Variants in ABLIM3 observed in about 807,000 individuals in gnomAD.
The protein encoded by ABLIM3 is actin binding LIM protein family member 3, also known as actin-binding LIM protein 3.
ABLIM3 carries 61 observed loss-of-function variants against 109.5 expected under a neutral mutation model. The ratio of observed to expected loss-of-function variants is 0.56; its 90% CI spans 0.45 to 0.69. ABLIM3 has a LOEUF of 0.69. Among genes scored for constraint, ABLIM3 ranks in the 30% least tolerant of loss-of-function variants. ABLIM3 has a pLI of 0.00. For missense variants in ABLIM3, 796 were observed against 889.5 expected, an observed-to-expected ratio of 0.89 and a Z score of 1.34; for synonymous variants, 300 against 324.8, an observed-to-expected ratio of 0.92 and a Z score of 0.82.
At chr5:149,185,716 T>C (rs182486928) in intron 3 of ABLIM3, among the ~76,000 whole-genome samples, 1 of 152,342 alleles carries the variant, frequency 6.6e-6, no homozygotes, top group East Asian at 1.9e-4. Flanking sequence ...GCAATCAACA[T>C]GACAATTAAG....
intron 16 of ABLIM3, 43 bp from the exon 17 acceptor site, chr5:149,246,439 T>G: frequency 6.3e-7 from 1 of 1,589,824 alleles, no homozygotes; most frequent in Non-Finnish European, 8.6e-7. Context: ...CCAGGCTGAG[T>G]GGGGTGCACA....
intron 23 of ABLIM3, among the ~76,000 whole-genome samples, chr5:149,255,746 G>A (rs1464794341): frequency 6.6e-6 from 1 of 152,184 alleles, no homozygotes; most frequent in East Asian, 1.9e-4. Context: ...AGGGTCACAG[G>A]AGCACAACAA....
chr5:149,142,169 C>G (rs960022131), intron 2 of ABLIM3, 61 bp downstream of exon 2: 21 of 1,582,842 alleles, frequency 1.3e-5, no homozygotes, highest in Non-Finnish European at 1.6e-5. Context: ...GGTGAGGGAG[C>G]CTGCGCTCGG....
intron 2 of ABLIM3, among the ~76,000 whole-genome samples, chr5:149,182,709 T>A (rs192273117): frequency 6.6e-6 from 1 of 152,352 alleles, no homozygotes; most frequent in East Asian, 1.9e-4. Flanking sequence ...CCCAATAAGC[T>A]AGTAGAACTC....
intron 2 of ABLIM3, among the ~76,000 whole-genome samples, chr5:149,180,065 A>G (rs1374669312): frequency 6.6e-6 from 1 of 152,198 alleles, no homozygotes; most frequent in Non-Finnish European, 1.5e-5. Flanking sequence ...AGCTTCATGG[A>G]TTATCTCACA....
chr5:149,164,931 C>T (rs1754690405), intron 2 of ABLIM3, among the ~76,000 whole-genome samples: 1 of 152,204 alleles, frequency 6.6e-6, no homozygotes, highest in Non-Finnish European at 1.5e-5. Context: ...CCCTTTCTTG[C>T]ATTTTAACTG....
chr5:149,216,162 C>A (rs1760057953), intron 7 of ABLIM3, among the ~76,000 whole-genome samples: 1 of 152,154 alleles, frequency 6.6e-6, no homozygotes, highest in Admixed American at 6.5e-5. Context: ...AAATCACCCA[C>A]TGAGCCCTAA....
At chr5:149,258,213 C>A in intron 23 of ABLIM3, 78 bp from the exon 24 acceptor site, 1 of 1,357,738 alleles carries the variant, frequency 7.4e-7, no homozygotes, top group Non-Finnish European at 1.0e-6. Flanking sequence ...CTGCTGCCTC[C>A]AGCTACCCCT....
chr5:149,222,675 T>A (rs1760777271), intron 8 of ABLIM3, among the ~76,000 whole-genome samples: 1 of 145,070 alleles, frequency 6.9e-6, no homozygotes, highest in East Asian at 1.9e-4. Flanking sequence ...TTTTTTTTTT[T>A]TTTTTTTTTT....
chr5:149,219,851 C>A (rs184292189), intron 8 of ABLIM3: 1 of 152,346 alleles, frequency 6.6e-6, no homozygotes, highest in East Asian at 1.9e-4. Flanking sequence ...ACTGCCCTCC[C>A]ATTCTCATCC....
At chr5:149,211,659 T>G (rs1182727194) in intron 7 of ABLIM3, among the ~76,000 whole-genome samples, 1 of 151,974 alleles carries the variant, frequency 6.6e-6, no homozygotes, top group Non-Finnish European at 1.5e-5. Context: ...CTGCCAAATC[T>G]GGCCAGTTGG....
At chr5:149,229,753 A>G (rs1761660194) in intron 8 of ABLIM3, among the ~76,000 whole-genome samples, 1 of 152,244 alleles carries the variant, frequency 6.6e-6, no homozygotes, top group African/African-American at 2.4e-5. Context: ...CTTCTAATCC[A>G]GGACACCTGT....
chr5:149,207,465 C>A (rs1481722893), intron 6 of ABLIM3, among the ~76,000 whole-genome samples: 1 of 152,180 alleles, frequency 6.6e-6, no homozygotes, highest in African/African-American at 2.4e-5. Flanking sequence ...TTCCTTCACA[C>A]AGGCTACCAC....
chr5:149,259,681 C>T lies in ABLIM3; in HGVS notation c.*1277C>T. On this transcript the variant is annotated 3_prime_UTR_variant, in exon 24 of 24. Transcript: ENST00000309868. The stretch of plus-strand genomic sequence containing the variant: ...CTGAACAGGGGAGAAAGCTTAACCT[C>T]TCTTCTCCTCTCCAAACCTTTCACC... 8.0e-7 allele frequency: 1 copy of T among 1,252,356 alleles called. No individual in the cohort carries two copies. Among genetic ancestry groups the T allele is most frequent in the East Asian group, 2.5e-5 (1 of 39,396 alleles). The allele number at this position is 1,252,356 out of a possible 1,614,324, so 77.6% of individuals were successfully genotyped here.
chr5:149,150,056 G>C (rs1488329783), intron 2 of ABLIM3, among the ~76,000 whole-genome samples: 3 of 152,108 alleles, frequency 2.0e-5, no homozygotes, highest in Non-Finnish European at 4.4e-5. Flanking sequence ...ATCTCCTATG[G>C]GTACCTCCCA....
At chr5:149,199,305 C>G (rs1758281639) in intron 4 of ABLIM3, among the ~76,000 whole-genome samples, 1 of 152,156 alleles carries the variant, frequency 6.6e-6, no homozygotes, top group South Asian at 2.1e-4. Context: ...ATTAATTATT[C>G]TCCGCATAAA....
intron 5 of ABLIM3, among the ~76,000 whole-genome samples, chr5:149,201,957 G>C (rs1006229201): frequency 1.3e-5 from 2 of 152,218 alleles, no homozygotes; most frequent in African/African-American, 4.8e-5. Flanking sequence ...CTTCCTCACA[G>C]GAGCGTTGGG....
At chr5:149,151,690 A>G (rs1254289197) in intron 2 of ABLIM3, among the ~76,000 whole-genome samples, 1 of 152,244 alleles carries the variant, frequency 6.6e-6, no homozygotes. Context: ...GTAATTTAGT[A>G]TGTCCACAGC....
intron 3 of ABLIM3, among the ~76,000 whole-genome samples, chr5:149,191,591 G>A (rs1217133204): frequency 6.8e-6 from 1 of 147,104 alleles, no homozygotes; most frequent in Non-Finnish European, 1.5e-5. Flanking sequence ...TACCAAACAA[G>A]GAAAAATAAT....
Sources: allele counts gnomAD v4.1 joint callset (sites outside exome capture counted in the v4.1 genomes callset), GRCh38; gene constraint gnomAD v4.1.1; transcripts MANE v1.5; gene names NCBI Gene and HGNC (gene_info 2026-07-23, HGNC 2026-07-21).